Variants in ATOSA observed in about 807,000 individuals in gnomAD.
The protein encoded by ATOSA is atos homolog protein A.
At chr15:52,628,258 A>G in the ATOSA span, among the ~76,000 whole-genome samples, 5 of 152,236 alleles carry the variant, frequency 3.3e-5, no homozygotes, top group Non-Finnish European at 7.3e-5. Context: ...TTTTAAGACT[A>G]ATAGTATTTT....
chr15:52,707,767 G>C, the ATOSA span, among the ~76,000 whole-genome samples: 1,582 of 152,248 alleles, frequency 0.01, 20 homozygotes, highest in South Asian at 0.037. Context: ...CAGAAAAAAA[G>C]TCAAATCGTG....
chr15:52,705,067 C>T, the ATOSA span, among the ~76,000 whole-genome samples: 1,908 of 152,140 alleles, frequency 0.013, 34 homozygotes, highest in African/African-American at 0.044. Flanking sequence ...ATGTTTATTG[C>T]GGCACTATTC....
the ATOSA span, chr15:52,605,339 C>T: frequency 3.6e-6 from 3 of 833,806 alleles, no homozygotes; most frequent in Non-Finnish European, 3.7e-6. Context: ...ATTCCTAATA[C>T]ATTCTGAGGT....
At chr15:52,618,061 T>C in the ATOSA span, among the ~76,000 whole-genome samples, 22 of 150,366 alleles carry the variant, frequency 1.5e-4, no homozygotes, top group African/African-American at 5.4e-4. Flanking sequence ...TTTTTTGAGA[T>C]GGAGTCTCAC....
chr15:52,628,501 A>C, the ATOSA span, among the ~76,000 whole-genome samples: 1 of 152,158 alleles, frequency 6.6e-6, no homozygotes, highest in East Asian at 1.9e-4. Context: ...TACCTTTCTC[A>C]CTTTTGTAAA....
the ATOSA span, among the ~76,000 whole-genome samples, chr15:52,661,370 C>T: frequency 6.6e-6 from 1 of 152,182 alleles, no homozygotes; most frequent in Non-Finnish European, 1.5e-5. Context: ...CAATTGTGCT[C>T]TGCTAGAGGC....
chr15:52,601,466 T>C, the ATOSA span, among the ~76,000 whole-genome samples: 1 of 151,588 alleles, frequency 6.6e-6, no homozygotes, highest in Non-Finnish European at 1.5e-5. Context: ...ATAAGGAACA[T>C]TTTGCTTTTT....
At chr15:52,606,857 A>G in the ATOSA span, among the ~76,000 whole-genome samples, 1 of 152,284 alleles carries the variant, frequency 6.6e-6, no homozygotes, top group Admixed American at 6.5e-5. Flanking sequence ...AAGAAGACAA[A>G]CTTAGGTCAT....
chr15:52,656,268 A>C, the ATOSA span: 1 of 152,132 alleles, frequency 6.6e-6, no homozygotes, highest in Non-Finnish European at 1.5e-5. Flanking sequence ...CATATCATTA[A>C]ACCAGTTTTT....
the ATOSA span, among the ~76,000 whole-genome samples, chr15:52,655,201 G>C: frequency 1.3e-5 from 2 of 152,054 alleles, no homozygotes; most frequent in East Asian, 3.8e-4. Flanking sequence ...CTTACTATTT[G>C]CCGTAAGGCA....
chr15:52,665,805 C>T, the ATOSA span, among the ~76,000 whole-genome samples: 1 of 152,026 alleles, frequency 6.6e-6, no homozygotes, highest in Non-Finnish European at 1.5e-5. Context: ...CATTTTACCA[C>T]AGTTAAAAAT....
chr15:52,627,374 T>C, the ATOSA span, among the ~76,000 whole-genome samples: 1 of 152,208 alleles, frequency 6.6e-6, no homozygotes, highest in Non-Finnish European at 1.5e-5. Context: ...CTAACTCAAC[T>C]ATAAACTCTA....
chr15:52,704,755 A>T, the ATOSA span, among the ~76,000 whole-genome samples: 1 of 152,116 alleles, frequency 6.6e-6, no homozygotes, highest in Non-Finnish European at 1.5e-5. Context: ...CATATGAAAA[A>T]ATGGTCATCA....
chr15:52,675,839 G>C, the ATOSA span, among the ~76,000 whole-genome samples: 1 of 151,890 alleles, frequency 6.6e-6, no homozygotes. Context: ...CCGGGAGGCG[G>C]AGCTTGCAGT....
At chr15:52,592,016 TTCACCCTTA>T in the ATOSA span, among the ~76,000 whole-genome samples, 1 of 152,144 alleles carries the variant, frequency 6.6e-6, no homozygotes, top group African/African-American at 2.4e-5. Flanking sequence ...GACTAAAATC[TTCACCCTTA>T]GAATGGAGTA....
chr15:52,659,133 TTCA>T, the ATOSA span, among the ~76,000 whole-genome samples: 1 of 152,202 alleles, frequency 6.6e-6, no homozygotes, highest in Admixed American at 6.5e-5. Flanking sequence ...CAGCTTCTGA[TTCA>T]CCTGTTGCCC....
chr15:52,608,757 T>A, the ATOSA span: 3 of 1,608,652 alleles, frequency 1.9e-6, no homozygotes, highest in Non-Finnish European at 2.5e-6. Context: ...TGCTATTAAG[T>A]TGAGTATTTT....
chr15:52,648,563 T>C, the ATOSA span: 51 of 152,082 alleles, frequency 3.4e-4, no homozygotes, highest in African/African-American at 1.1e-3. Context: ...CAGAACGATT[T>C]CTTCTAACTG....
the ATOSA span, among the ~76,000 whole-genome samples, chr15:52,634,136 A>G: frequency 6.6e-6 from 1 of 152,202 alleles, no homozygotes; most frequent in African/African-American, 2.4e-5. Flanking sequence ...GAGGTCAGAA[A>G]AAGCATGAAA....
Sources: allele counts gnomAD v4.1 joint callset (sites outside exome capture counted in the v4.1 genomes callset), GRCh38; gene constraint gnomAD v4.1.1; transcripts MANE v1.5; gene names NCBI Gene and HGNC (gene_info 2026-07-23, HGNC 2026-07-21).